BMERB1: variants seen among roughly 807,000 people sequenced by gnomAD.
BMERB1 encodes bMERB domain containing 1.
A neutral mutation model predicts 23.6 loss-of-function variants in BMERB1; 12 were observed. The ratio of observed to expected loss-of-function variants is 0.51; its 90% CI spans 0.33 to 0.82. The LOEUF (loss-of-function observed/expected upper bound fraction) is 0.82. Among genes scored for constraint, BMERB1 ranks in the 40% least tolerant of loss-of-function variants. The probability of loss-of-function intolerance (pLI) is 0.03; values close to 1 mark genes in which losing one functional copy is unlikely to be tolerated. For synonymous variants in BMERB1, 122 were observed against 96.6 expected (o/e 1.26, Z -1.54); for missense variants, 247 against 255.4 (o/e 0.97, Z 0.22).
intron 2 of BMERB1, among the ~76,000 whole-genome samples, chr16:15,552,010 C>T (rs1455811196): frequency 2.0e-5 from 3 of 152,118 alleles, no homozygotes; most frequent in Non-Finnish European, 2.9e-5. Context: ...TCTGGGCCAG[C>T]TTAGCCAAAG....
intron 1 of BMERB1, among the ~76,000 whole-genome samples, chr16:15,483,569 G>A (rs1360231647): frequency 6.6e-6 from 1 of 152,030 alleles, no homozygotes; most frequent in Non-Finnish European, 1.5e-5. Context: ...TATTAGAGAT[G>A]AGGTTTCCCC....
intron 1 of BMERB1, among the ~76,000 whole-genome samples, chr16:15,476,902 C>T (rs185023128): frequency 1.1e-4 from 16 of 152,316 alleles, no homozygotes; most frequent in African/African-American, 3.1e-4. Context: ...AGCTACAAGA[C>T]CAGATCCCCA....
At chr16:15,501,344 G>T (rs1370482637) in intron 1 of BMERB1, among the ~76,000 whole-genome samples, 5 of 141,024 alleles carry the variant, frequency 3.5e-5, no homozygotes, top group Non-Finnish European at 7.6e-5. Context: ...CCAGGCTGGA[G>T]TGCAGTGACT....
intron 1 of BMERB1, among the ~76,000 whole-genome samples, chr16:15,476,100 C>A (rs150014984): frequency 6.6e-6 from 1 of 151,956 alleles, no homozygotes; most frequent in Non-Finnish European, 1.5e-5. Context: ...TGAGAGATGA[C>A]CTCCCAGGAG....
chr16:15,519,642 T>C (rs2051824866), intron 2 of BMERB1, among the ~76,000 whole-genome samples: 2 of 152,078 alleles, frequency 1.3e-5, no homozygotes, highest in South Asian at 2.1e-4. Flanking sequence ...CTGCCCTCCT[T>C]GGCCTCCTTG....
At chr16:15,555,977 C>T (rs193162795) in intron 2 of BMERB1, among the ~76,000 whole-genome samples, 59 of 151,768 alleles carry the variant, frequency 3.9e-4, no homozygotes, top group African/African-American at 1.3e-3. Context: ...GTCAGGAGTT[C>T]GAGACCAGCC....
In BMERB1 at chr16:15,496,057, A is replaced by G. The variant is rs1423339850; in HGVS notation, c.107-19248A>G. On this transcript the variant is annotated intron_variant, in intron 1 of 5. Transcript: ENST00000300006. ...GAAAGGGGTGGTAATGATGGTGGTG[A>G]TGGTGATGATGACAGTGATCGTGAT... is the stretch of plus-strand genomic sequence containing the variant. Among the ~76,000 whole-genome samples the G allele has an allele frequency of 1.3e-5, 2 of 151,690 alleles. 1 individual carries two copies. Among genetic ancestry groups the G allele is most frequent in the Non-Finnish European group, 2.9e-5 (2 of 67,888 alleles).
chr16:15,563,455 G>A (rs368327607), intron 2 of BMERB1, among the ~76,000 whole-genome samples: 107 of 152,040 alleles, frequency 7.0e-4, no homozygotes, highest in African/African-American at 2.3e-3. Context: ...TCCTGACCTC[G>A]TGATCTGCCC....
At chr16:15,456,500 C>T (rs576163929) in intron 1 of BMERB1, among the ~76,000 whole-genome samples, 1 of 152,186 alleles carries the variant, frequency 6.6e-6, no homozygotes, top group East Asian at 1.9e-4. Flanking sequence ...CCACACCCAG[C>T]TACTTTTTGT....
intron 1 of BMERB1, among the ~76,000 whole-genome samples, chr16:15,439,599 A>G (rs2050921010): frequency 6.6e-6 from 1 of 151,892 alleles, no homozygotes; most frequent in East Asian, 1.9e-4. Context: ...CACCCTTACA[A>G]ACCATCTAGT....
intron 2 of BMERB1, among the ~76,000 whole-genome samples, chr16:15,533,374 G>A (rs919701149): frequency 1.3e-5 from 2 of 151,900 alleles, no homozygotes; most frequent in African/African-American, 2.4e-5. Flanking sequence ...ATATTACGTG[G>A]AAGAGGAAGT....
intron 4 of BMERB1, among the ~76,000 whole-genome samples, chr16:15,581,588 A>G (rs2031015528): frequency 6.6e-6 from 1 of 152,242 alleles, no homozygotes; most frequent in African/African-American, 2.4e-5. Flanking sequence ...GTCACATCCC[A>G]TAATACATGG....
chr16:15,440,775 C>T (rs897282405), intron 1 of BMERB1, among the ~76,000 whole-genome samples: 3 of 152,110 alleles, frequency 2.0e-5, no homozygotes, highest in Non-Finnish European at 2.9e-5. Flanking sequence ...TGAGATTTCT[C>T]GACAAAGTCC....
At chr16:15,500,242 C>A (rs1406899605) in intron 1 of BMERB1, among the ~76,000 whole-genome samples, 1 of 152,170 alleles carries the variant, frequency 6.6e-6, no homozygotes, top group African/African-American at 2.4e-5. Context: ...CACAGCTGAG[C>A]CAGTCCTATT....
intron 1 of BMERB1, among the ~76,000 whole-genome samples, chr16:15,458,666 G>A (rs117174116): frequency 0.014 from 2,183 of 150,554 alleles, 16 homozygotes; most frequent in Non-Finnish European, 0.023. Context: ...GCAGTGAGCT[G>A]TGTTGGCACC....
intron 1 of BMERB1, among the ~76,000 whole-genome samples, chr16:15,445,146 G>C (rs2050978295): frequency 6.6e-6 from 1 of 152,094 alleles, no homozygotes. Flanking sequence ...TCCTGTCTTG[G>C]CCTCCCGAAG....
At chr16:15,548,582 C>CT (rs1444303905) in intron 2 of BMERB1, among the ~76,000 whole-genome samples, 1 of 152,146 alleles carries the variant, frequency 6.6e-6, no homozygotes, top group Non-Finnish European at 1.5e-5. Flanking sequence ...TTCTACCTCC[C>CT]TCCCCTGCTT....
At chr16:15,507,157 C>T (rs1185289254) in intron 1 of BMERB1, among the ~76,000 whole-genome samples, 1 of 152,160 alleles carries the variant, frequency 6.6e-6, no homozygotes. Context: ...AAAAGATGGG[C>T]TAGGAAAGGT....
intron 5 of BMERB1, among the ~76,000 whole-genome samples, chr16:15,584,684 C>G (rs1297284742): frequency 6.6e-6 from 1 of 152,132 alleles, no homozygotes; most frequent in Non-Finnish European, 1.5e-5. Flanking sequence ...ACTATTACCT[C>G]CCCTCCTTTT....
Sources: allele counts gnomAD v4.1 joint callset (sites outside exome capture counted in the v4.1 genomes callset), GRCh38; gene constraint gnomAD v4.1.1; transcripts MANE v1.5; gene names NCBI Gene and HGNC (gene_info 2026-07-23, HGNC 2026-07-21).